CELF2: variants seen among roughly 807,000 people sequenced by gnomAD.
CELF2 encodes CUG triplet repeat RNA-binding protein 2.
CELF2 carries 8 observed loss-of-function variants against 62.6 expected under a neutral mutation model. The ratio of observed to expected loss-of-function variants is 0.13; its 90% CI spans 0.07 to 0.23. The LOEUF is 0.23. Among genes scored for constraint, CELF2 ranks in the 10% least tolerant of loss-of-function variants. The probability of loss-of-function intolerance (pLI) is 1.00; values close to 1 mark genes in which losing one functional copy is unlikely to be tolerated. For synonymous variants in CELF2, 258 were observed against 250.0 expected, an observed-to-expected ratio of 1.03 and a Z score of -0.30; for missense variants, 333 against 671.0, an observed-to-expected ratio of 0.50 and a Z score of 5.56.
intron 3 of CELF2, among the ~76,000 whole-genome samples, chr10:11,239,390 A>C (rs6602489): frequency 2.0e-5 from 3 of 151,934 alleles, no homozygotes; most frequent in Admixed American, 6.6e-5. Context: ...GGAGTTGAGC[A>C]CTGCTGGCTG....
At chr10:10,881,916 T>C (rs956307156) in intron 1 of CELF2, among the ~76,000 whole-genome samples, 14 of 152,220 alleles carry the variant, frequency 9.2e-5, no homozygotes, top group African/African-American at 3.4e-4. Context: ...TTGGGGGCAA[T>C]TTCTCCCAAA....
the CELF2 span, among the ~76,000 whole-genome samples, chr10:10,684,822 T>A: frequency 0.01 from 1,568 of 152,236 alleles, 28 homozygotes; most frequent in African/African-American, 0.036. Flanking sequence ...ACGTGCTATT[T>A]TGAAGCTCCT....
chr10:10,816,866 T>G (rs1283583307), intron 1 of CELF2, among the ~76,000 whole-genome samples: 1 of 152,246 alleles, frequency 6.6e-6, no homozygotes, highest in Non-Finnish European at 1.5e-5. Context: ...ACTGGAGTCT[T>G]CAACATGAAA....
At chr10:10,889,861 A>G (rs2062010077) in intron 1 of CELF2, among the ~76,000 whole-genome samples, 1 of 152,200 alleles carries the variant, frequency 6.6e-6, no homozygotes, top group African/African-American at 2.4e-5. Context: ...TCAATAGCCC[A>G]TCTGGAATTT....
In CELF2 at chr10:11,331,808, A is replaced by G. The variant is rs2096027988; in HGVS notation, c.*2755A>G. 1 of 152,628 alleles carries G rather than the reference A, an allele frequency of 6.6e-6. No individual in the cohort carries two copies. The highest frequency in any genetic ancestry group is 2.4e-5 in the African/African-American group (1 of 41,442). The allele number at this position is 152,628 out of a possible 1,614,324, so 9.5% of individuals were successfully genotyped here. On this transcript the variant is annotated 3_prime_UTR_variant, in exon 13 of 13. Transcript: ENST00000633077. ...TCACCATGTATTTTCTTCATAATCT[A>G]TGGAAACCTCTAAGGTGAGAAAGTT...
intron 1 of CELF2, among the ~76,000 whole-genome samples, chr10:10,853,884 A>G (rs967149691): frequency 6.6e-6 from 1 of 152,070 alleles, no homozygotes; most frequent in Non-Finnish European, 1.5e-5. Flanking sequence ...CACCTAAACA[A>G]GGAAATTAAA....
intron 1 of CELF2, among the ~76,000 whole-genome samples, chr10:10,911,312 C>A (rs114005268): frequency 0.011 from 1,605 of 152,298 alleles, 23 homozygotes; most frequent in African/African-American, 0.037. Context: ...AGGGCAGGGA[C>A]AAAGGCACAC....
At chr10:10,529,064 T>C in the CELF2 span, among the ~76,000 whole-genome samples, 4 of 152,242 alleles carry the variant, frequency 2.6e-5, no homozygotes, top group Admixed American at 2.6e-4. Context: ...TAGTACTTCC[T>C]AGTCTACAAT....
chr10:10,490,575 G>T, the CELF2 span, among the ~76,000 whole-genome samples: 1 of 151,932 alleles, frequency 6.6e-6, no homozygotes, highest in Admixed American at 6.6e-5. Context: ...GGTTGGGGGG[G>T]GGTGGAGCAT....
intron 1 of CELF2, among the ~76,000 whole-genome samples, chr10:11,106,066 T>C (rs2053368339): frequency 6.6e-6 from 1 of 152,340 alleles, no homozygotes; most frequent in East Asian, 1.9e-4. Context: ...GAAAAGTTTT[T>C]ATGATTTTCA....
the CELF2 span, among the ~76,000 whole-genome samples, chr10:10,779,820 C>A: frequency 1.3e-5 from 2 of 151,650 alleles, no homozygotes; most frequent in African/African-American, 2.4e-5. Flanking sequence ...ATCTTAATTT[C>A]TTTTTCTATA....
chr10:10,550,327 A>T, the CELF2 span, among the ~76,000 whole-genome samples: 7 of 152,314 alleles, frequency 4.6e-5, no homozygotes, highest in African/African-American at 1.7e-4. Context: ...GAAGAGGAAG[A>T]GATAGGTTGG....
chr10:11,195,035 TA>T (rs1438280270), intron 2 of CELF2, among the ~76,000 whole-genome samples: 1 of 152,184 alleles, frequency 6.6e-6, no homozygotes, highest in Admixed American at 6.5e-5. Context: ...GCAGAGACAG[TA>T]ATGTCTTTCC....
chr10:11,310,712 A>G (rs1290367287), intron 9 of CELF2, among the ~76,000 whole-genome samples: 11 of 152,022 alleles, frequency 7.2e-5, no homozygotes, highest in Admixed American at 6.6e-4. Context: ...GGACTATTAC[A>G]TGTAGACTGG....
At chr10:11,325,585 G>A (rs2095682707) in intron 11 of CELF2, among the ~76,000 whole-genome samples, 2 of 152,232 alleles carry the variant, frequency 1.3e-5, no homozygotes, top group South Asian at 4.1e-4. Flanking sequence ...ATGCCAAGGG[G>A]CAGTGGCACC....
At chr10:11,320,775 G>A in intron 10 of CELF2, 3 of 1,389,138 alleles carry the variant, frequency 2.2e-6, no homozygotes, top group South Asian at 2.6e-5. Flanking sequence ...TCCTCAAAGA[G>A]CCCAGTAAAT....
the CELF2 span, among the ~76,000 whole-genome samples, chr10:10,737,577 C>A: frequency 3.0e-3 from 459 of 152,200 alleles, 1 homozygote; most frequent in African/African-American, 0.01. Flanking sequence ...ATTTGGAAAG[C>A]CTCCAGCAAG....
At chr10:10,810,642 A>C (rs1197279586) in intron 1 of CELF2, among the ~76,000 whole-genome samples, 1 of 152,150 alleles carries the variant, frequency 6.6e-6, no homozygotes, top group Non-Finnish European at 1.5e-5. Flanking sequence ...GGGGAGTGGA[A>C]GGGAAGATGG....
At chr10:10,892,013 T>C (rs547340712) in intron 1 of CELF2, among the ~76,000 whole-genome samples, 22 of 152,214 alleles carry the variant, frequency 1.4e-4, no homozygotes, top group African/African-American at 2.4e-4. Flanking sequence ...AATGATTTTC[T>C]ATTATTTCAA....
Sources: gnomAD v4.1 joint callset for allele counts (sites outside exome capture counted in the v4.1 genomes callset) on GRCh38, gnomAD v4.1.1 for gene constraint, MANE v1.5 for transcripts, NCBI Gene and HGNC (gene_info 2026-07-23, HGNC 2026-07-21) for gene names.